SPPL3: variants seen among roughly 807,000 people sequenced by gnomAD.
The protein encoded by SPPL3 is signal peptide peptidase-like 3.
Under a neutral mutation model 42.4 loss-of-function variants are expected in SPPL3, and 5 were observed. The ratio of observed to expected loss-of-function variants is 0.12; its 90% CI spans 0.06 to 0.25. The LOEUF (loss-of-function observed/expected upper bound fraction) is 0.25, where lower values mean the gene tolerates loss of function less well. SPPL3 is among the 10% of genes least tolerant of loss of function. SPPL3 has a pLI of 1.00. For missense variants in SPPL3, 235 were observed against 489.0 expected, an observed-to-expected ratio of 0.48 and a Z score of 4.90; for synonymous variants, 195 against 181.8, an observed-to-expected ratio of 1.07 and a Z score of -0.58.
chr12:120,795,098 T>C (rs1870054047), intron 2 of SPPL3, among the ~76,000 whole-genome samples: 3 of 152,084 alleles, frequency 2.0e-5, no homozygotes, highest in African/African-American at 4.8e-5. Context: ...TATATAATGT[T>C]TGTTTATGTT....
Position 120,868,361 on chromosome 12 carries a change from C to T in SPPL3, c.23+35484G>A, listed in dbSNP as rs116553347. On this transcript the variant is annotated intron_variant, in intron 1 of 10. Coordinates refer to ENST00000353487, the MANE Select transcript of SPPL3 (RefSeq NM_139015.5). ...CAACAAGGTTAATACAAAAGCAATA[C>T]AGGATATGTGGCACTGCTTTTCAAA... Among the ~76,000 whole-genome samples the T allele has an allele frequency of 9.3e-3, 1,412 of 152,262 alleles. 26 individuals carry two copies. The highest frequency in any genetic ancestry group is 0.032 in the African/African-American group (1,339 of 41,564).
intron 1 of SPPL3, among the ~76,000 whole-genome samples, chr12:120,860,776 T>C (rs967581901): frequency 2.0e-5 from 3 of 152,186 alleles, no homozygotes; most frequent in Non-Finnish European, 2.9e-5. Flanking sequence ...GCAAACTTTT[T>C]ATGTAAAAGA....
At chr12:120,894,843 G>C (rs756572985) in intron 1 of SPPL3, among the ~76,000 whole-genome samples, 2 of 151,894 alleles carry the variant, frequency 1.3e-5, no homozygotes, top group African/African-American at 2.4e-5. Context: ...GCTACTAGTG[G>C]GGCTGAGGCA....
intron 1 of SPPL3, among the ~76,000 whole-genome samples, chr12:120,886,913 T>C (rs1873478578): frequency 6.6e-6 from 1 of 152,264 alleles, no homozygotes; most frequent in South Asian, 2.1e-4. Context: ...GAGAAGATCT[T>C]GTACTAAAAA....
chr12:120,834,563 T>C (rs1311747365), intron 1 of SPPL3, among the ~76,000 whole-genome samples: 2 of 152,128 alleles, frequency 1.3e-5, no homozygotes, highest in African/African-American at 4.8e-5. Flanking sequence ...TTAGAAATCT[T>C]TGCTAAAACA....
chr12:120,791,376 C>A (rs1869910324), intron 3 of SPPL3, 93 bp downstream of exon 3: 1 of 828,726 alleles, frequency 1.2e-6, no homozygotes. Flanking sequence ...AATCATAAAT[C>A]CTTGAACCCA....
At chr12:120,849,465 T>C (rs1872153235) in intron 1 of SPPL3, among the ~76,000 whole-genome samples, 1 of 152,226 alleles carries the variant, frequency 6.6e-6, no homozygotes. Flanking sequence ...GATCTATCTA[T>C]ACTAGCAATG....
chr12:120,773,257 A>C (rs147289560), intron 6 of SPPL3, among the ~76,000 whole-genome samples: 14 of 152,350 alleles, frequency 9.2e-5, no homozygotes, highest in African/African-American at 3.1e-4. Flanking sequence ...TAACCAGGAC[A>C]TTACCAGGGA....
chr12:120,835,062 TTA>T (rs1041823924), intron 1 of SPPL3, among the ~76,000 whole-genome samples: 67 of 152,330 alleles, frequency 4.4e-4, no homozygotes, highest in African/African-American at 1.6e-3. Flanking sequence ...CACCTTGGTA[TTA>T]TATTACCTCT....
intron 1 of SPPL3, chr12:120,835,304 C>A (rs1871573929): frequency 6.6e-6 from 1 of 152,222 alleles, no homozygotes; most frequent in South Asian, 2.1e-4. Context: ...TGAAACCACA[C>A]CTACCCTTAA....
intron 1 of SPPL3, among the ~76,000 whole-genome samples, chr12:120,871,130 C>CAAAAAAAA (rs71453512): frequency 0.1 from 5,329 of 51,222 alleles, 1,036 homozygotes; most frequent in East Asian, 0.2. Context: ...ACTCCGTCTC[C>CAAAAAAAA]AAAAAAAAAA....
chr12:120,903,679 C>G (rs1376221996), intron 1 of SPPL3, among the ~76,000 whole-genome samples, 166 bp downstream of exon 1: 1 of 152,148 alleles, frequency 6.6e-6, no homozygotes, highest in African/African-American at 2.4e-5. Flanking sequence ...GCCCTCCGTG[C>G]GCGCCAGCCG....
intron 1 of SPPL3, among the ~76,000 whole-genome samples, chr12:120,844,601 T>G (rs1011063350): frequency 1.3e-5 from 2 of 152,182 alleles, no homozygotes; most frequent in Non-Finnish European, 1.5e-5. Flanking sequence ...TTCACTGGTC[T>G]TCTTTCTGCT....
At chr12:120,860,890 A>G (rs930126647) in intron 1 of SPPL3, among the ~76,000 whole-genome samples, 19 of 152,130 alleles carry the variant, frequency 1.2e-4, no homozygotes, top group African/African-American at 4.6e-4. Context: ...CCCCTTCTAG[A>G]TACTAAAATC....
At chr12:120,783,863 G>C in intron 4 of SPPL3, 111 bp from the exon 5 acceptor site, 1 of 869,250 alleles carries the variant, frequency 1.2e-6, no homozygotes. Flanking sequence ...TAATTGACTA[G>C]AGAAGAAAAA....
At chr12:120,894,276 A>T (rs560154992) in intron 1 of SPPL3, among the ~76,000 whole-genome samples, 1 of 152,342 alleles carries the variant, frequency 6.6e-6, no homozygotes, top group Admixed American at 6.5e-5. Flanking sequence ...GTGAGCCAAG[A>T]TGGTGCCACT....
chr12:120,779,078 C>G (rs911408445), intron 6 of SPPL3, among the ~76,000 whole-genome samples: 7 of 152,104 alleles, frequency 4.6e-5, no homozygotes, highest in Non-Finnish European at 1.0e-4. Flanking sequence ...AGAGCAAGAA[C>G]CTTTCTCTAA....
intron 1 of SPPL3, among the ~76,000 whole-genome samples, chr12:120,874,341 T>C (rs965803421): frequency 1.1e-4 from 16 of 150,264 alleles, no homozygotes; most frequent in African/African-American, 2.7e-4. Context: ...TAGTCCCAGA[T>C]ACTCAGGAGG....
At chr12:120,843,972 A>G (rs953723302) in intron 1 of SPPL3, among the ~76,000 whole-genome samples, 11 of 144,774 alleles carry the variant, frequency 7.6e-5, no homozygotes, top group African/African-American at 2.7e-4. Flanking sequence ...TAAATATAAC[A>G]TAACATAACA....
Sources: gnomAD v4.1 joint callset for allele counts (sites outside exome capture counted in the v4.1 genomes callset) on GRCh38, gnomAD v4.1.1 for gene constraint, MANE v1.5 for transcripts, NCBI Gene and HGNC (gene_info 2026-07-23, HGNC 2026-07-21) for gene names.